Variants in COG5 observed in about 807,000 individuals in gnomAD.
The protein encoded by COG5 is component of oligomeric golgi complex 5.
COG5 carries 86 observed loss-of-function variants against 110.4 expected under a neutral mutation model. The ratio of observed to expected loss-of-function variants is 0.78; its 90% CI spans 0.65 to 0.93. COG5 has a LOEUF of 0.93. Among genes scored for constraint, COG5 ranks in the 40% least tolerant of loss-of-function variants. The pLI is 0.00. For missense variants in COG5, 1,077 were observed against 987.0 expected, an observed-to-expected ratio of 1.09 and a Z score of -1.22; for synonymous variants, 360 against 334.6, an observed-to-expected ratio of 1.08 and a Z score of -0.83.
intron 18 of COG5, among the ~76,000 whole-genome samples, chr7:107,233,106 A>T (rs936817586): frequency 6.6e-6 from 1 of 152,256 alleles, no homozygotes; most frequent in Non-Finnish European, 1.5e-5. Context: ...AAAGGGCACC[A>T]GAAGACCTAT....
rs778761819 is a variant in COG5, at chr7:107,236,701, AG to A, written c.1854-15del. 1 of 1,580,328 alleles carries A rather than the reference AG, an allele frequency of 6.3e-7. No individual in the cohort carries two copies. Among genetic ancestry groups the A allele is most frequent in the Admixed American group, 1.7e-5 (1 of 59,976 alleles). On this transcript the variant is annotated splice_polypyrimidine_tract_variant and intron_variant, in intron 17 of 21. Transcript: ENST00000297135. Reference sequence around the variant, plus strand: ...CTGGATAATGACCTGTAAAAGAAAAAGCAGCCCTTTTCAGCACCGCTGCACT... The same window carrying A: ...CTGGATAATGACCTGTAAAAGAAAAACAGCCCTTTTCAGCACCGCTGCACT...
chr7:107,434,108 A>G (rs926044149), intron 6 of COG5, among the ~76,000 whole-genome samples: 7 of 152,228 alleles, frequency 4.6e-5, no homozygotes, highest in East Asian at 1.9e-4. Flanking sequence ...TCACAATGAG[A>G]TATCACCTCA....
chr7:107,511,501 T>C (rs2129144357), intron 6 of COG5, among the ~76,000 whole-genome samples: 1 of 152,300 alleles, frequency 6.6e-6, no homozygotes, highest in South Asian at 2.1e-4. Context: ...TCTGAAACTA[T>C]TCCAATCAAT....
rs756310303 is a variant in COG5 at position 107,474,837 on chromosome 7, A to T, written c.538+52400T>A. On this transcript the variant is annotated intron_variant, in intron 6 of 21. Transcript: ENST00000297135. The surrounding 1 kb of genome is among the most constrained non-coding windows in gnomAD (Gnocchi z 5.7). ...AGAAGAAAGCAAGAAAGAAAAAGAC[A>T]ATTTCTCTAACCACACAACATGAGG... The T allele has an allele frequency of 6.2e-7, 1 of 1,613,218 alleles. No homozygotes were observed. Among genetic ancestry groups the T allele is most frequent in the Non-Finnish European group, 8.5e-7 (1 of 1,179,550 alleles).
At chr7:107,385,280 AT>A (rs1790104341) in intron 7 of COG5, among the ~76,000 whole-genome samples, 1 of 152,224 alleles carries the variant, frequency 6.6e-6, no homozygotes. Flanking sequence ...CAACACCTTG[AT>A]TTGACTCCCA....
chr7:107,500,867 CTGT>C (rs150230756), intron 6 of COG5, among the ~76,000 whole-genome samples: 18,988 of 152,038 alleles, frequency 0.12, 1,467 homozygotes, highest in Non-Finnish European at 0.17. Flanking sequence ...CCTCCCTGCC[CTGT>C]TGTTTATACA....
intron 12 of COG5, among the ~76,000 whole-genome samples, chr7:107,287,655 C>T (rs542016028): frequency 6.6e-6 from 1 of 152,220 alleles, no homozygotes; most frequent in African/African-American, 2.4e-5. Context: ...CACTCCATCC[C>T]CAGGCCCAAT....
intron 12 of COG5, among the ~76,000 whole-genome samples, chr7:107,295,038 T>TACACACACACACAC (rs1249923848): frequency 1.9e-5 from 1 of 53,386 alleles, no homozygotes; most frequent in Non-Finnish European, 3.5e-5. Flanking sequence ...CACACACATA[T>TACACACACACACAC]ACACACACAC....
intron 6 of COG5, among the ~76,000 whole-genome samples, chr7:107,479,580 G>C (rs1267396795): frequency 3.9e-5 from 6 of 152,072 alleles, no homozygotes; most frequent in Non-Finnish European, 7.4e-5. Context: ...ACTGGCATAA[G>C]AGACTGAAGA....
At chr7:107,326,820 A>G (rs1186352783) in intron 10 of COG5, among the ~76,000 whole-genome samples, 1 of 152,166 alleles carries the variant, frequency 6.6e-6, no homozygotes, top group Non-Finnish European at 1.5e-5. Flanking sequence ...AAATATCCAA[A>G]TATCTTTCTT....
At chr7:107,243,125 AG>A (rs1801776070) in intron 17 of COG5, among the ~76,000 whole-genome samples, 1 of 152,348 alleles carries the variant, frequency 6.6e-6, no homozygotes, top group South Asian at 2.1e-4. Flanking sequence ...CATAACGGTA[AG>A]GGTTCAATTC....
intron 6 of COG5, among the ~76,000 whole-genome samples, chr7:107,510,917 C>T (rs1262453863): frequency 6.6e-6 from 1 of 152,136 alleles, no homozygotes; most frequent in Non-Finnish European, 1.5e-5. Context: ...AAATTTATAG[C>T]ACTAAATGCC....
In COG5 at chr7:107,201,745, A is replaced by G. The variant is rs1798328217; in HGVS notation, c.*1771T>C. 3.6e-6 allele frequency: 1 copy of G among 280,018 alleles called. No homozygotes were observed. 17.3% of individuals were successfully genotyped at this position (280,018 alleles called of 1,614,324 possible). ...TAAAGTACAGTAGAAAGAGAGGAGA[A>G]GTGTATACATGTTTTATTTTAAATT... On this transcript the variant is annotated 3_prime_UTR_variant, in exon 22 of 22. Transcript: ENST00000297135.
intron 7 of COG5, among the ~76,000 whole-genome samples, chr7:107,388,857 A>T (rs1790407971): frequency 6.6e-6 from 1 of 152,120 alleles, no homozygotes; most frequent in Non-Finnish European, 1.5e-5. Flanking sequence ...AGATGAAGGA[A>T]CTGACCCTAC....
At chr7:107,317,172 A>G (rs1448594273) in intron 11 of COG5, among the ~76,000 whole-genome samples, 2 of 152,110 alleles carry the variant, frequency 1.3e-5, no homozygotes, top group Non-Finnish European at 2.9e-5. Context: ...CAGAGTCAGG[A>G]AACAAATGAG....
At chr7:107,492,988 A>G (rs1798063981) in intron 6 of COG5, among the ~76,000 whole-genome samples, 1 of 152,122 alleles carries the variant, frequency 6.6e-6, no homozygotes. Flanking sequence ...ATATGCTGGA[A>G]GTTTAATCCC....
In COG5 at chr7:107,236,647, G is replaced by A. The variant is rs898773131; in HGVS notation, c.1894C>T (p.Leu632=). 10 of 1,613,962 alleles carry A rather than the reference G, an allele frequency of 6.2e-6. No homozygotes were observed. The highest frequency in any genetic ancestry group is 8.5e-6 in the Non-Finnish European group (10 of 1,179,988). Residue 632 remains leucine, a synonymous_variant, in exon 18 of 22, where the codon CTG becomes TTG. Coordinates refer to ENST00000297135, the MANE Select transcript of COG5 (RefSeq NM_006348.5). The stretch of plus-strand genomic sequence containing the variant: ...AAACCTTGTAGCTCCTTCATGTACA[G>A]AGAACAAGGAACATCAGGTTTTCCT... ...SSGKPDVPCS[L]YMKELQGFIA...
chr7:107,476,183 T>TAAAAAA lies in COG5; in HGVS notation c.538+51053_538+51054insTTTTTT, dbSNP rs1563056700. Among the ~76,000 whole-genome samples the TAAAAAA allele has an allele frequency of 1.2e-3, 105 of 86,378 alleles. 3 individuals are homozygous for TAAAAAA. Among genetic ancestry groups the TAAAAAA allele is most frequent in the African/African-American group, 5.3e-3 (91 of 17,142 alleles). The allele number at this position is 86,378 out of a possible 152,430, so 56.7% of individuals were successfully genotyped here. On this transcript the variant is annotated intron_variant, in intron 6 of 21. Transcript: ENST00000297135. ...TCTGGATTAATATAGTGCAATGATT[T>TAAAAAA]TAAAAAAAAAAAAAAAAAAAAAAAG...
At chr7:107,414,280 G>C (rs983355419) in intron 6 of COG5, among the ~76,000 whole-genome samples, 4 of 152,138 alleles carry the variant, frequency 2.6e-5, no homozygotes, top group African/African-American at 9.7e-5. Flanking sequence ...TGCACAGCCA[G>C]AATTAACTTC....
Sources: allele counts gnomAD v4.1 joint callset (sites outside exome capture counted in the v4.1 genomes callset), GRCh38; gene constraint gnomAD v4.1.1; non-coding constraint Gnocchi (gnomAD v3.1); transcripts MANE v1.5; gene names NCBI Gene and HGNC (gene_info 2026-07-23, HGNC 2026-07-21).